Variants in STX8 observed in about 807,000 individuals in gnomAD.
STX8 encodes the protein syntaxin-8.
STX8 carries 23 observed loss-of-function variants against 37.5 expected under a neutral mutation model. The ratio of observed to expected loss-of-function variants is 0.61; its 90% CI spans 0.44 to 0.87. The LOEUF is 0.87. STX8 is among the 40% of genes least tolerant of loss of function. STX8 has a pLI of 0.00. For synonymous variants in STX8, 115 were observed against 99.1 expected (o/e 1.16, Z -0.95); for missense variants, 313 against 284.7 (o/e 1.10, Z -0.71).
intron 6 of STX8, among the ~76,000 whole-genome samples, chr17:9,381,246 G>GT (rs11421158): frequency 0.11 from 15,382 of 142,666 alleles, 1,044 homozygotes; most frequent in African/African-American, 0.19. Flanking sequence ...TTTTCATTTT[G>GT]TTTTTTTTTT....
At chr17:9,509,641 A>G (rs996205360) in intron 4 of STX8, among the ~76,000 whole-genome samples, 1 of 152,182 alleles carries the variant, frequency 6.6e-6, no homozygotes, top group African/African-American at 2.4e-5. Flanking sequence ...AAGGAAAAAG[A>G]GAAAGAAATC....
chr17:9,444,606 T>C (rs118103788), intron 6 of STX8, among the ~76,000 whole-genome samples: 4,026 of 152,318 alleles, frequency 0.026, 103 homozygotes, highest in Non-Finnish European at 0.041. Flanking sequence ...TTTTTATATA[T>C]AAGGGAGAAG....
At chr17:9,287,496 T>A (rs1052018824) in intron 7 of STX8, among the ~76,000 whole-genome samples, 1 of 152,172 alleles carries the variant, frequency 6.6e-6, no homozygotes, top group African/African-American at 2.4e-5. Flanking sequence ...CTGGTTTTCA[T>A]AGGGCATGAG....
At chr17:9,410,415 G>A (rs1479428405) in intron 6 of STX8, among the ~76,000 whole-genome samples, 1 of 152,176 alleles carries the variant, frequency 6.6e-6, no homozygotes, top group Non-Finnish European at 1.5e-5. Context: ...TCAAATAAGT[G>A]TTTTTGTACA....
intron 6 of STX8, among the ~76,000 whole-genome samples, chr17:9,459,367 G>A (rs1905284824): frequency 6.6e-6 from 1 of 152,228 alleles, no homozygotes; most frequent in African/African-American, 2.4e-5. Flanking sequence ...AGTGTCTCCA[G>A]GGTACCTGAA....
chr17:9,373,101 C>T (rs1911465522), intron 7 of STX8, among the ~76,000 whole-genome samples: 1 of 140,064 alleles, frequency 7.1e-6, no homozygotes, highest in Admixed American at 6.9e-5. Flanking sequence ...CAAGAAGACT[C>T]CATCTCAAAA....
intron 7 of STX8, among the ~76,000 whole-genome samples, chr17:9,357,792 A>G (rs1420639465): frequency 1.3e-5 from 2 of 152,192 alleles, no homozygotes; most frequent in Non-Finnish European, 2.9e-5. Flanking sequence ...TGCCTCATCT[A>G]TGGTTATGAT....
intron 3 of STX8, chr17:9,553,376 G>T (rs1051913543): frequency 6.6e-6 from 1 of 152,178 alleles, no homozygotes; most frequent in African/African-American, 2.4e-5. Flanking sequence ...TTTCAGGAGA[G>T]AGCATAACAT....
chr17:9,482,819 C>A (rs552664973), intron 6 of STX8, among the ~76,000 whole-genome samples: 1 of 152,198 alleles, frequency 6.6e-6, no homozygotes, highest in South Asian at 2.1e-4. Context: ...GAGGCTGAGG[C>A]AGAAGAATGG....
At chr17:9,331,202 C>G (rs145884050) in intron 7 of STX8, among the ~76,000 whole-genome samples, 2 of 152,150 alleles carry the variant, frequency 1.3e-5, no homozygotes, top group Admixed American at 1.3e-4. Context: ...GGATACGCTA[C>G]GAAACCAGCA....
chr17:9,344,427 AT>A (rs1393279958), intron 7 of STX8, among the ~76,000 whole-genome samples: 4 of 151,750 alleles, frequency 2.6e-5, no homozygotes, highest in Non-Finnish European at 5.9e-5. Context: ...CACCCAGCTA[AT>A]TTTTGTATTT....
At chr17:9,481,924 T>C (rs1380844053) in intron 6 of STX8, among the ~76,000 whole-genome samples, 2 of 152,126 alleles carry the variant, frequency 1.3e-5, no homozygotes, top group Non-Finnish European at 2.9e-5. Context: ...CCCATCCTGG[T>C]CCATGGAAAA....
At chr17:9,402,550 A>G (rs888015948) in intron 6 of STX8, among the ~76,000 whole-genome samples, 2 of 152,222 alleles carry the variant, frequency 1.3e-5, no homozygotes, top group Non-Finnish European at 2.9e-5. Context: ...TGCAACAAAA[A>G]TGAGGTAGGG....
At chr17:9,313,964 G>A (rs1909286874) in intron 7 of STX8, among the ~76,000 whole-genome samples, 2 of 152,058 alleles carry the variant, frequency 1.3e-5, no homozygotes, top group South Asian at 4.1e-4. Flanking sequence ...TTTACCTATA[G>A]GTCTCTCTAT....
At chr17:9,427,850 C>T (rs779564562) in intron 6 of STX8, among the ~76,000 whole-genome samples, 5 of 152,154 alleles carry the variant, frequency 3.3e-5, no homozygotes, top group Admixed American at 6.5e-5. Flanking sequence ...AGTTGAAAAG[C>T]GTGTCTGCTG....
intron 3 of STX8, among the ~76,000 whole-genome samples, chr17:9,550,467 G>A (rs572095971): frequency 1.5e-4 from 22 of 146,948 alleles, no homozygotes; most frequent in Non-Finnish European, 2.3e-4. Context: ...CCAGCTACTC[G>A]GGAGGCTAAG....
intron 7 of STX8, among the ~76,000 whole-genome samples, chr17:9,254,838 C>CAT (rs1906726981): frequency 1.3e-5 from 2 of 152,108 alleles, no homozygotes; most frequent in Non-Finnish European, 2.9e-5. Context: ...CACACACACA[C>CAT]GCGCACGTGT....
chr17:9,428,390 G>A (rs961715399), intron 6 of STX8, among the ~76,000 whole-genome samples: 15 of 152,116 alleles, frequency 9.9e-5, no homozygotes, highest in East Asian at 1.9e-4. Flanking sequence ...ACAGGTACCC[G>A]CCACCACGCC....
At chr17:9,337,846 C>T (rs1272787945) in intron 7 of STX8, among the ~76,000 whole-genome samples, 2 of 152,016 alleles carry the variant, frequency 1.3e-5, no homozygotes, top group Non-Finnish European at 2.9e-5. Flanking sequence ...TAAAGGAAAG[C>T]CAGGGATGCC....
Sources: allele counts gnomAD v4.1 joint callset (sites outside exome capture counted in the v4.1 genomes callset), GRCh38; gene constraint gnomAD v4.1.1; transcripts MANE v1.5; gene names NCBI Gene and HGNC (gene_info 2026-07-23, HGNC 2026-07-21).